Variants in COP1 observed in about 807,000 individuals in gnomAD.
COP1 encodes E3 ubiquitin-protein ligase COP1.
Under a neutral mutation model 101.3 loss-of-function variants are expected in COP1, and 24 were observed. That is an observed-to-expected ratio of 0.24 (90% confidence interval 0.17 to 0.33). The LOEUF (loss-of-function observed/expected upper bound fraction) is 0.33, where lower values mean the gene tolerates loss of function less well. COP1 is among the 10% of genes least tolerant of loss of function. The pLI is 1.00. For synonymous variants in COP1, 347 were observed against 341.9 expected (o/e 1.01, Z -0.17); for missense variants, 663 against 906.2 (o/e 0.73, Z 3.45).
At chr1:176,094,403 C>T (rs1484315613) in intron 9 of COP1, among the ~76,000 whole-genome samples, 2 of 151,402 alleles carry the variant, frequency 1.3e-5, no homozygotes, top group African/African-American at 4.8e-5. Context: ...TAGAAATGTG[C>T]TATGTATGCA....
chr1:176,016,805 TTATC>T lies in COP1; in HGVS notation c.1729+10763_1729+10766del, dbSNP rs1665743314. 2.0e-5 allele frequency among the ~76,000 whole-genome samples: 3 copies of T among 152,092 alleles called. No individual in the cohort carries two copies. In the South Asian group the frequency reaches 6.2e-4, roughly 32 times the overall value. ...AACAAAGGTAAATAAACAAAAAAAT[TTATC>T]TACTTAAATCAGCATTCATTGTTTC... On this transcript the variant is annotated intron_variant, in intron 15 of 19. Coordinates refer to ENST00000367669, the MANE Select transcript of COP1 (RefSeq NM_022457.7).
chr1:176,091,726 G>A (rs1456342113), intron 9 of COP1, among the ~76,000 whole-genome samples: 1 of 151,842 alleles, frequency 6.6e-6, no homozygotes, highest in Non-Finnish European at 1.5e-5. Flanking sequence ...GGGATGGTGG[G>A]GGAGGTAAAA....
chr1:176,201,817 T>C (rs1299089406), intron 1 of COP1, among the ~76,000 whole-genome samples: 4 of 152,242 alleles, frequency 2.6e-5, no homozygotes, highest in Admixed American at 6.5e-5. Context: ...TGTTTCATCA[T>C]TGACATCCAA....
chr1:176,021,922 T>C (rs374642143), intron 15 of COP1, among the ~76,000 whole-genome samples: 27 of 152,380 alleles, frequency 1.8e-4, no homozygotes, highest in African/African-American at 6.0e-4. Context: ...CCATCTTCTA[T>C]ATACATACTT....
At chr1:176,006,399 A>G (rs2148910292) in intron 15 of COP1, among the ~76,000 whole-genome samples, 1 of 152,262 alleles carries the variant, frequency 6.6e-6, no homozygotes, top group Non-Finnish European at 1.5e-5. Context: ...TTATGATGTT[A>G]GCTGGTTATT....
At chr1:176,100,919 C>A (rs762208757) in intron 9 of COP1, among the ~76,000 whole-genome samples, 2 of 151,916 alleles carry the variant, frequency 1.3e-5, no homozygotes, top group Non-Finnish European at 2.9e-5. Context: ...GGGTCAAAGC[C>A]CTAGGAAAGA....
intron 15 of COP1, among the ~76,000 whole-genome samples, chr1:176,009,086 T>C (rs1664126064): frequency 2.6e-5 from 4 of 152,170 alleles, no homozygotes; most frequent in Admixed American, 2.6e-4. Context: ...CACATGTGCA[T>C]AGCATTCTAC....
rs376924023 is a variant in COP1 at position 175,965,589 on chromosome 1, G to GTTTC, written c.2134-18351_2134-18350insGAAA. Among the ~76,000 whole-genome samples, 285 of 149,534 alleles carry GTTTC rather than the reference G, an allele frequency of 1.9e-3. 3 individuals are homozygous for GTTTC. Among genetic ancestry groups the GTTTC allele is most frequent in the African/African-American group, 6.8e-3 (275 of 40,416 alleles). On this transcript the variant is annotated intron_variant, in intron 18 of 19. Coordinates refer to ENST00000367669, the MANE Select transcript of COP1 (RefSeq NM_022457.7). ...TGGGTTTTTTTTTTGTTTTGTTTTTGTTTGTTTGTTTGTTTTTGAGATGGA... is the reference window on the plus strand; with the variant it reads ...TGGGTTTTTTTTTTGTTTTGTTTTTGTTTCTTTGTTTGTTTGTTTTTGAGATGGA...
chr1:176,125,994 A>G (rs1447777353), intron 8 of COP1, among the ~76,000 whole-genome samples: 2 of 152,184 alleles, frequency 1.3e-5, no homozygotes, highest in Admixed American at 6.6e-5. Flanking sequence ...AAATAAGAAT[A>G]TATTTTTATT....
intron 9 of COP1, among the ~76,000 whole-genome samples, chr1:176,108,427 T>G (rs1684711160): frequency 6.6e-6 from 1 of 152,184 alleles, no homozygotes; most frequent in Non-Finnish European, 1.5e-5. Context: ...CTTTACATAG[T>G]ACTTAGAATC....
intron 18 of COP1, among the ~76,000 whole-genome samples, chr1:175,984,895 A>G (rs10798434): frequency 0.4 from 60,606 of 152,002 alleles, 12,302 homozygotes; most frequent in Middle Eastern, 0.45. Context: ...GAATAGCTCT[A>G]TTTACCCAAT....
chr1:176,135,223 C>T (rs1689615743), intron 7 of COP1, 137 bp from the exon 8 acceptor site: 1 of 539,986 alleles, frequency 1.9e-6, no homozygotes. Flanking sequence ...TTTCTGAAGG[C>T]TTCCTCTCCA....
chr1:176,205,533 A>G lies in COP1; in HGVS notation c.407+1039T>C, dbSNP rs1007323187. ...CCTCATAATGACTGTGCAAGCAGCC[A>G]ACTTCCTACATGCCTAATATTTGAT... On this transcript the variant is annotated intron_variant, in intron 1 of 19. Transcript: ENST00000367669. Among the ~76,000 whole-genome samples the G allele has an allele frequency of 5.3e-5, 8 of 152,358 alleles. No individual in the cohort carries two copies. In the South Asian group the frequency reaches 1.7e-3, roughly 32 times the overall value.
chr1:175,988,154 G>C (rs1445892394), intron 17 of COP1, 134 bp downstream of exon 17: 3 of 744,488 alleles, frequency 4.0e-6, no homozygotes. Context: ...GTAGTGCTGG[G>C]GCATCATGTC....
In COP1 at chr1:175,944,989, C is replaced by T. The variant is rs1648981995; in HGVS notation, c.*164G>A. The T allele has an allele frequency of 6.3e-6, 4 of 634,086 alleles. No individual in the cohort carries two copies. In the Admixed American group the frequency reaches 1.4e-4, roughly 22 times the overall value. 39.3% of individuals were successfully genotyped at this position (634,086 alleles called of 1,614,324 possible). A position where few individuals can be genotyped will look rare whatever the true frequency, so the allele number is the denominator to read the frequency against. On this transcript the variant is annotated 3_prime_UTR_variant, in exon 20 of 20. Coordinates refer to ENST00000367669, the MANE Select transcript of COP1 (RefSeq NM_022457.7). ...TGGGTATTCCCAATGTCCCAAAGGT[C>T]ATAAAGGAGGGAAAAGAAAAAAAGA...
At position 176,091,345 on chromosome 1, in the gene COP1, C is replaced by CA. The variant is rs71129552; in HGVS notation, c.1027-5456dup. Among the ~76,000 whole-genome samples, 519 of 125,294 alleles carry CA rather than the reference C, an allele frequency of 4.1e-3. 1 individual carries two copies. Among genetic ancestry groups the CA allele is most frequent in the African/African-American group, 0.015 (478 of 31,500 alleles). The allele number at this position is 125,294 out of a possible 152,430, so 82.2% of individuals were successfully genotyped here. A position where few individuals can be genotyped will look rare whatever the true frequency, so the allele number is the denominator to read the frequency against. On this transcript the variant is annotated intron_variant, in intron 9 of 19. Coordinates refer to ENST00000367669, the MANE Select transcript of COP1 (RefSeq NM_022457.7). Reference sequence around the variant, plus strand: ...TGGGCAACAGAGCGAGACTCCGTCTCAAAAAAAAAAAAACAAAAAAAAAAA... The same window carrying CA: ...TGGGCAACAGAGCGAGACTCCGTCTCAAAAAAAAAAAAAACAAAAAAAAAAA...
intron 3 of COP1, among the ~76,000 whole-genome samples, chr1:176,169,836 C>G (rs1695765169): frequency 6.6e-6 from 1 of 152,210 alleles, no homozygotes; most frequent in Non-Finnish European, 1.5e-5. Context: ...CTATAGCCTG[C>G]AATGTTACAT....
chr1:176,202,646 A>G (rs1245934610), intron 1 of COP1, among the ~76,000 whole-genome samples: 5 of 151,954 alleles, frequency 3.3e-5, no homozygotes, highest in Admixed American at 2.6e-4. Context: ...TAGCCTGGGC[A>G]ACATAGGGAG....
intron 9 of COP1, among the ~76,000 whole-genome samples, chr1:176,095,116 A>G (rs1322080941): frequency 2.0e-5 from 3 of 152,236 alleles, no homozygotes; most frequent in Non-Finnish European, 4.4e-5. Flanking sequence ...TCATAAATTA[A>G]CACTGCATGG....
Sources: allele counts gnomAD v4.1 joint callset (sites outside exome capture counted in the v4.1 genomes callset), GRCh38; gene constraint gnomAD v4.1.1; transcripts MANE v1.5; gene names NCBI Gene and HGNC (gene_info 2026-07-23, HGNC 2026-07-21).